AMT: variants seen among roughly 807,000 people sequenced by gnomAD.
The protein encoded by AMT is aminomethyltransferase, mitochondrial.
A neutral mutation model predicts 39.5 loss-of-function variants in AMT; 24 were observed. The observed-to-expected ratio is 0.61, with a 90% CI of 0.44 to 0.86. The LOEUF (loss-of-function observed/expected upper bound fraction) is 0.86. Ranked by LOEUF, AMT falls within the 40% of genes least tolerant of loss-of-function variation. The pLI, the probability that AMT is intolerant of heterozygous loss-of-function variation, is 0.00. For missense variants in AMT, 501 were observed against 537.0 expected (o/e 0.93, Z 0.66); for synonymous variants, 210 against 212.1 (o/e 0.99, Z 0.09).
At chr3:49,422,077 G>C in intron 2 of AMT, 27 bp downstream of exon 2, 1 of 1,613,164 alleles carries the variant, frequency 6.2e-7, no homozygotes, top group South Asian at 1.1e-5. Context: ...GGCCTGATCA[G>C]ATGGCCAGTG....
intron 5 of AMT, 113 bp downstream of exon 5, chr3:49,419,597 G>A: frequency 1.4e-6 from 2 of 1,437,802 alleles, no homozygotes; most frequent in Non-Finnish European, 2.0e-6. Flanking sequence ...TTAAAATTAT[G>A]GCACACAAAT....
At chr3:49,418,626 C>T (rs536672614) in intron 7 of AMT, 9 of 315,872 alleles carry the variant, frequency 2.8e-5, no homozygotes, top group South Asian at 1.7e-4. Flanking sequence ...CTCAGCCTCC[C>T]GAGTAGCTGG....
Position 49,419,763 on chromosome 3 carries a change from T to G in AMT, c.497A>C (p.Gln166Pro). The G allele has an allele frequency of 6.2e-7, 1 of 1,614,116 alleles. No individual in the cohort carries two copies. Reference protein sequence around the residue: ...MQDKVRELQNQGRDVGLEVLD... With the variant: ...MQDKVRELQNPGRDVGLEVLD... Reference sequence around the variant, plus strand: ...CACCTCCAGGCCCACATCTCTGCCCTGGTTCTGAAGCTCCCTGACCTTGTC... The same window carrying G: ...CACCTCCAGGCCCACATCTCTGCCCGGGTTCTGAAGCTCCCTGACCTTGTC... The change falls in exon 5 of 9, where the codon CAG (glutamine) becomes CCG (proline). Residue 166 changes from glutamine (Q) to proline (P), a missense_variant. Coordinates refer to ENST00000273588, the MANE Select transcript of AMT (RefSeq NM_000481.4).
chr3:49,418,237 C>T, intron 7 of AMT: 1 of 502,926 alleles, frequency 2.0e-6, no homozygotes, highest in Non-Finnish European at 3.6e-6. Flanking sequence ...GCCTAGAATG[C>T]AGTGGCACGA....
chr3:49,419,776 C>G lies in AMT; in HGVS notation c.484G>C (p.Glu162Gln). The stretch of plus-strand genomic sequence containing the variant: ...ACATCTCTGCCCTGGTTCTGAAGCT[C>G]CCTGACCTTGTCCTAAAAGACAGAA... ...DLALMQDKVR[E>Q]LQNQGRDVGL... The change falls in exon 5 of 9, where the codon GAG becomes CAG. Residue 162 changes from glutamate (E) to glutamine (Q), a missense_variant. Physicochemically the swap from Glu to Gln is conservative, Grantham distance 29. Transcript: ENST00000273588. 6.2e-7 allele frequency: 1 copy of G among 1,614,156 alleles called. No individual in the cohort carries two copies. Among genetic ancestry groups the G allele is most frequent in the Non-Finnish European group, 8.5e-7 (1 of 1,180,038 alleles).
chr3:49,421,882 G>T, intron 2 of AMT: 2 of 743,112 alleles, frequency 2.7e-6, no homozygotes, highest in South Asian at 3.0e-5. Flanking sequence ...GGGACATTAA[G>T]GCACACCATT....
At chr3:49,418,881 A>T (rs1295717941) in intron 7 of AMT, 90 bp downstream of exon 7, 2 of 1,428,304 alleles carry the variant, frequency 1.4e-6, no homozygotes, top group Non-Finnish European at 2.0e-6. Context: ...TTCAGGCTAC[A>T]TAACCTTTGG....
Position 49,420,203 on chromosome 3 carries a change from G to C in AMT, c.471+8C>G. On this transcript the variant is annotated splice_region_variant and intron_variant, in intron 4 of 8. Transcript: ENST00000273588. ...AGACAAGGTGTCTAGAACACAGAGG[G>C]GGTATACCTGCATGAGGGCCAAATC... 1 of 1,614,192 alleles carries C rather than the reference G, an allele frequency of 6.2e-7. No homozygotes were observed. The highest frequency in any genetic ancestry group is 1.1e-5 in the South Asian group (1 of 91,086).
At chr3:49,420,087 G>T in intron 4 of AMT, 124 bp downstream of exon 4, 1 of 1,287,114 alleles carries the variant, frequency 7.8e-7, no homozygotes, top group Non-Finnish European at 1.1e-6. Flanking sequence ...GAGTCTCATA[G>T]CTGTTCATTC....
chr3:49,419,130 C>T lies in AMT; in HGVS notation c.718G>A (p.Ala240Thr). The change falls in exon 7 of 9, where the codon GCA (alanine) becomes ACA (threonine). Residue 240 changes from alanine (A) to threonine (T), a missense_variant. Ala to Thr is a moderately conservative substitution (Grantham distance 58). Transcript: ENST00000273588. Reference protein sequence around the residue: ...GVEISVPVAGAVHLATAILKN... With the variant: ...GVEISVPVAGTVHLATAILKN... ...AGAATAGCTGTTGCCAGGTGAACTG[C>T]CCCCGCTACCGGCACCGAGATCTGT... The T allele has an allele frequency of 6.2e-7, 1 of 1,613,964 alleles. No individual in the cohort carries two copies. The highest frequency in any genetic ancestry group is 1.1e-5 in the South Asian group (1 of 91,066).
At chr3:49,418,494 CTTTTT>C (rs3049036) in intron 7 of AMT, 20 of 64,652 alleles carry the variant, frequency 3.1e-4, no homozygotes, top group South Asian at 1.6e-3. Flanking sequence ...TCTTCAGTTT[CTTTTT>C]TTTTTTTTTT....
chr3:49,418,252 A>G (rs1406389295), intron 7 of AMT: 1 of 469,530 alleles, frequency 2.1e-6, no homozygotes, highest in Non-Finnish European at 3.9e-6. Context: ...GCACGATCTC[A>G]GCTCACTGCA....
chr3:49,421,813 C>G, intron 2 of AMT: 2 of 670,648 alleles, frequency 3.0e-6, no homozygotes, highest in Non-Finnish European at 5.3e-6. Context: ...TGAAATAACC[C>G]CTTTTCAAAC....
At chr3:49,420,974 T>C (rs542361549) in intron 3 of AMT, 5 of 218,510 alleles carry the variant, frequency 2.3e-5, no homozygotes, top group Non-Finnish European at 3.7e-5. Flanking sequence ...TCTCACTCTG[T>C]TGCCCAGGCC....
chr3:49,418,807 C>A, intron 7 of AMT, 164 bp downstream of exon 7: 2 of 766,336 alleles, frequency 2.6e-6, no homozygotes, highest in South Asian at 3.1e-5. Flanking sequence ...ATCCGGCCAA[C>A]ATCTGCAGTT....
At position 49,420,277 on chromosome 3, in the gene AMT, A is replaced by G. The variant is rs1469634371; in HGVS notation, c.405T>C (p.Thr135=). 2 of 1,614,208 alleles carry G rather than the reference A, an allele frequency of 1.2e-6. No individual in the cohort carries two copies. Among genetic ancestry groups the G allele is most frequent in the South Asian group, 2.2e-5 (2 of 91,088 alleles). Residue 135 remains threonine, a synonymous_variant, in exon 4 of 9, where the codon ACT becomes ACC. Transcript: ENST00000273588. The part of the protein sequence containing the change: ...GILDDLIVTN[T]SEGHLYVVSN... ...ACACCACATACAGGTGGCCCTCAGA[A>G]GTATTGGTTACAATCAAGTCATCTA...
At position 49,417,409 on chromosome 3, in the gene AMT, C is replaced by G. The variant is rs751898926; in HGVS notation, c.*131G>C. On this transcript the variant is annotated 3_prime_UTR_variant, in exon 9 of 9. Coordinates refer to ENST00000273588, the MANE Select transcript of AMT (RefSeq NM_000481.4). ...TAGGTGGGGGGAATAGGTGGTGTGG[C>G]CCCTCAACCAGACAATTAGAATCAG... 1.2e-6 allele frequency: 2 copies of G among 1,609,432 alleles called. No individual in the cohort carries two copies. The highest frequency in any genetic ancestry group is 2.2e-5 in the South Asian group (2 of 91,070).
chr3:49,421,398 C>T, intron 3 of AMT, 94 bp downstream of exon 3: 1 of 961,420 alleles, frequency 1.0e-6, no homozygotes, highest in Non-Finnish European at 1.7e-6. Flanking sequence ...CTGTGTTTGA[C>T]TCATCTCTGT....
intron 4 of AMT, 82 bp from the exon 5 acceptor site, chr3:49,419,870 G>A: frequency 7.6e-7 from 1 of 1,319,714 alleles, no homozygotes; most frequent in Non-Finnish European, 1.1e-6. Context: ...CTGGACAGTA[G>A]TAGGACAGTG....
Sources: allele counts gnomAD v4.1 joint callset, GRCh38; gene constraint gnomAD v4.1.1; transcripts MANE v1.5; gene names NCBI Gene and HGNC (gene_info 2026-07-23, HGNC 2026-07-21).